IRS4: variants seen among roughly 807,000 people sequenced by gnomAD.
The protein encoded by IRS4 is 160 kDa phosphotyrosine protein.
A neutral mutation model predicts 48.6 loss-of-function variants in IRS4; 15 were observed. The observed-to-expected ratio is 0.31, with a 90% CI of 0.21 to 0.48. IRS4 has a LOEUF of 0.48. Among genes scored for constraint, IRS4 ranks in the 20% least tolerant of loss-of-function variants. The pLI is 0.99. For missense variants in IRS4, 987 were observed against 1,023.4 expected, an observed-to-expected ratio of 0.96 and a Z score of 0.49; for synonymous variants, 459 against 413.2, an observed-to-expected ratio of 1.11 and a Z score of -1.34.
intron 1 of IRS4, among the ~76,000 whole-genome samples, chrX:108,728,007 A>G (rs993481497): frequency 8.0e-5 from 9 of 112,639 alleles, no homozygotes; most frequent in Non-Finnish European, 7.5e-5. Context: ...ACTTTTTGCT[A>G]TAACTCCCAA....
chrX:108,735,694 C>T lies in IRS4; in HGVS notation c.651G>A (p.Pro217=). ...CCGCCGCTGCCGCCGCCAGCGCGGC[C>T]GGCTCTCCGTCCGGCTGCGCGCCGA... ...GTLGAQPDGE[P]AALAAAAAAE... is the part of the protein sequence containing the mutation. The change falls in exon 1 of 2, where the codon CCG becomes CCA. Residue 217 remains proline (P), a synonymous_variant. Transcript: ENST00000372129. 1.7e-6 allele frequency: 2 copies of T among 1,181,404 alleles called. No homozygotes were observed. The highest frequency in any genetic ancestry group is 2.3e-6 in the Non-Finnish European group (2 of 880,428).
Position 108,733,954 on chromosome X carries a change from C to G in IRS4, c.2391G>C (p.Gln797His). ...TCCAACTTTTGGAGGAAGAGCCACCCTGAGGATTTCTGGGGTTTTTTGGAA... is the reference window on the plus strand; with the variant it reads ...TCCAACTTTTGGAGGAAGAGCCACCGTGAGGATTTCTGGGGTTTTTTGGAA... ...GAIPKNPRNPQGGSSSKSWSS... is the reference protein window; with the variant it reads ...GAIPKNPRNPHGGSSSKSWSS... The change falls in exon 1 of 2, where the codon CAG becomes CAC. Residue 797 changes from glutamine to histidine, a missense_variant. Gln to His is a conservative substitution (Grantham distance 24). This residue lies in a region of IRS4 where 720 missense variants were observed against 660.3 expected (regional missense o/e 1.09). Coordinates refer to ENST00000372129, the MANE Select transcript of IRS4 (RefSeq NM_001379150.1). 1.7e-6 allele frequency: 2 copies of G among 1,211,674 alleles called. No homozygotes were observed. The highest frequency in any genetic ancestry group is 2.2e-6 in the Non-Finnish European group (2 of 895,498).
At chrX:108,725,260 AT>A (rs1269090833) in intron 1 of IRS4, among the ~76,000 whole-genome samples, 1 of 110,216 alleles carries the variant, frequency 9.1e-6, no homozygotes, top group African/African-American at 3.3e-5. Context: ...ATAACAATAT[AT>A]TGTTATTCTC....
In IRS4 at chrX:108,734,775, C is replaced by T. The variant is rs2068934862; in HGVS notation, c.1570G>A (p.Gly524Ser). ...CCACCTCGGGATCCCTGTCCCTCGC[C>T]TGAACACTGGTTTCCTCCCGAGCTA... is the stretch of plus-strand genomic sequence containing the variant. ...SHSSGGNQCSGEGQGSRGGQG... is the reference protein window; with the variant it reads ...SHSSGGNQCSSEGQGSRGGQG... The change falls in exon 1 of 2, where the codon GGC becomes AGC. Residue 524 changes from glycine to serine, a missense_variant. Around this residue, in one of 4 missense-constraint regions of IRS4, gnomAD observed 720 missense variants for 660.3 expected, o/e 1.09. Transcript: ENST00000372129. 1.7e-6 allele frequency: 2 copies of T among 1,209,605 alleles called. No individual in the cohort carries two copies. The highest frequency in any genetic ancestry group is 1.8e-5 in the African/African-American group (1 of 56,990).
In IRS4 at chrX:108,722,444, C is replaced by A; in HGVS notation, c.*75G>T. On this transcript the variant is annotated 3_prime_UTR_variant, in exon 2 of 2. Coordinates refer to ENST00000372129, the MANE Select transcript of IRS4 (RefSeq NM_001379150.1). ...GCCTCTGAGTTTTCTTTCCTTTAGG[C>A]AGATCTGGAGTAGACGAAGATAAAA... is the stretch of plus-strand genomic sequence containing the variant. 3.3e-6 allele frequency: 1 copy of A among 301,886 alleles called. No individual in the cohort carries two copies. The allele number at this position is 301,886 out of a possible 1,213,427, so 24.9% of individuals were successfully genotyped here.
Position 108,720,937 on chromosome X carries a change from C to T in IRS4, c.*1582G>A, listed in dbSNP as rs995831476. 2 of 112,349 alleles carry T rather than the reference C, an allele frequency of 1.8e-5. No individual in the cohort carries two copies. Among genetic ancestry groups the T allele is most frequent in the South Asian group, 3.7e-4 (1 of 2,729 alleles). 9.3% of individuals were successfully genotyped at this position (112,349 alleles called of 1,213,427 possible). ...CTTTGGAAAAGTTAGTTTAGCAACA[C>T]GTACTATAAGCTTGCTTGAAGATAG... is the stretch of plus-strand genomic sequence containing the variant. On this transcript the variant is annotated 3_prime_UTR_variant, in exon 2 of 2. Transcript: ENST00000372129.
At position 108,732,625 on chromosome X, in the gene IRS4, T is replaced by G; in HGVS notation, c.3720A>C (p.Arg1240Ser). Residue 1240 changes from arginine to serine, a missense_variant, in exon 1 of 2, where the codon AGA becomes AGC. By Grantham distance (110) the Arg-to-Ser change is moderately radical. This residue lies in a region of IRS4 where 720 missense variants were observed against 660.3 expected (regional missense o/e 1.09). Transcript: ENST00000372129. ...GATTATCACGTCTGGCAAAATCCAT[T>G]CTCACGTGAGTGTCGTCGTCGTTGT... is the stretch of plus-strand genomic sequence containing the variant. ...DSDNDDDTHVRMDFARRDNQF... is the reference protein window; with the variant it reads ...DSDNDDDTHVSMDFARRDNQF... The G allele has an allele frequency of 8.3e-7, 1 of 1,211,649 alleles. No homozygotes were observed. The highest frequency in any genetic ancestry group is 1.1e-6 in the Non-Finnish European group (1 of 895,466).
At chrX:108,725,205 A>G (rs187455331) in intron 1 of IRS4, among the ~76,000 whole-genome samples, 6 of 111,078 alleles carry the variant, frequency 5.4e-5, no homozygotes, top group Admixed American at 9.6e-5. Flanking sequence ...TACATTTTGA[A>G]GTCCGAAACA....
In IRS4 at chrX:108,722,525, T is replaced by C. The variant is rs2148013058; in HGVS notation, c.3767-2A>G. 3.1e-6 allele frequency: 1 copy of C among 326,264 alleles called. No homozygotes were observed. The highest frequency in any genetic ancestry group is 2.7e-5 in the South Asian group (1 of 37,524). 26.9% of individuals were successfully genotyped at this position (326,264 alleles called of 1,213,427 possible). A position where few individuals can be genotyped will look rare whatever the true frequency, so the allele number is the denominator to read the frequency against. ...TGTTTTTGTGGCAATATAATCACTCTAGGAAAAAGATAATAAAACAAAAGT... is the reference window on the plus strand; with the variant it reads ...TGTTTTTGTGGCAATATAATCACTCCAGGAAAAAGATAATAAAACAAAAGT... On this transcript the variant is annotated splice_acceptor_variant, in intron 1 of 1. Transcript: ENST00000372129. LOFTEE classifies it high-confidence loss of function.
Position 108,733,082 on chromosome X carries a change from C to A in IRS4, c.3263G>T (p.Arg1088Leu). The A allele has an allele frequency of 2.5e-6, 3 of 1,211,796 alleles. No homozygotes were observed. The highest frequency in any genetic ancestry group is 3.3e-6 in the Non-Finnish European group (3 of 895,530). The change falls in exon 1 of 2, where the codon CGT becomes CTT. Residue 1088 changes from arginine (R) to leucine (L), a missense_variant. By Grantham distance (102) the Arg-to-Leu change is moderately radical (BLOSUM62 -2). Transcript: ENST00000372129. ...GGCTGCTGCAAAGAAACTTTGAGAACGGCTTTGTGGGCGTCTTCTCTCCTG... is the reference window on the plus strand; with the variant it reads ...GGCTGCTGCAAAGAAACTTTGAGAAAGGCTTTGTGGGCGTCTTCTCTCCTG... ...EEQERRRPQS[R>L]SQSFFAAARA...
intron 1 of IRS4, among the ~76,000 whole-genome samples, chrX:108,729,351 T>A (rs760043042): frequency 9.1e-6 from 1 of 109,709 alleles, no homozygotes; most frequent in South Asian, 4.0e-4. Context: ...GCTGACCGAT[T>A]CTCTCACCCC....
At chrX:108,726,051 C>T (rs1221460222) in intron 1 of IRS4, 1 of 112,416 alleles carries the variant, frequency 8.9e-6, no homozygotes, top group Middle Eastern at 4.2e-3. Flanking sequence ...ACTCTGCTGC[C>T]TAGTTACTGC....
intron 1 of IRS4, chrX:108,724,331 TTAA>T (rs2068865950): frequency 8.9e-6 from 1 of 112,223 alleles, no homozygotes; most frequent in African/African-American, 3.2e-5. Context: ...GTTTGGTAAC[TTAA>T]TAAAAAGTGA....
rs748185194 is a variant in IRS4 at position 108,734,893 on chromosome X, T to A, written c.1452A>T (p.Gly484=). ...AATTGTTCATAGGCATGTAGTCACC[T>A]CCGCTTCCTTCCTGATCTTCTTTGC... ...PQGKEDQEGS[G]GDYMPMNNWG... The change falls in exon 1 of 2, where the codon GGA becomes GGT. Residue 484 remains glycine, a synonymous_variant. Coordinates refer to ENST00000372129, the MANE Select transcript of IRS4 (RefSeq NM_001379150.1). The A allele has an allele frequency of 8.3e-7, 1 of 1,211,905 alleles. No individual in the cohort carries two copies. The highest frequency in any genetic ancestry group is 1.8e-5 in the South Asian group (1 of 57,001).
Position 108,732,759 on chromosome X carries a change from G to A in IRS4, c.3586C>T (p.Leu1196Phe). Residue 1196 changes from leucine (L) to phenylalanine (F), a missense_variant, in exon 1 of 2, where the codon CTT becomes TTT. By Grantham distance (22) the Leu-to-Phe change is conservative. Transcript: ENST00000372129. ...CCAGCCTGGTTATCACCTCTGGCAA[G>A]GTTTGCAGATGGGTTGTGGGCTCCA... is the stretch of plus-strand genomic sequence containing the variant. ...NPGAHNPSAN[L>F]ARGDNQAGGA... 1 of 1,208,386 alleles carries A rather than the reference G, an allele frequency of 8.3e-7. No individual in the cohort carries two copies. The highest frequency in any genetic ancestry group is 1.1e-6 in the Non-Finnish European group (1 of 892,820).
chrX:108,734,751 C>A lies in IRS4; in HGVS notation c.1594G>T (p.Gly532Cys). The change falls in exon 1 of 2, where the codon GGT becomes TGT. Residue 532 changes from glycine (G) to cysteine (C), a missense_variant. Gly to Cys is a radical substitution (Grantham distance 159, BLOSUM62 -3). Coordinates refer to ENST00000372129, the MANE Select transcript of IRS4 (RefSeq NM_001379150.1). ...GAGCCCTGGCCATTTGAGCCCTGAC[C>A]ACCTCGGGATCCCTGTCCCTCGCCT... ...CSGEGQGSRG[G>C]QGSNGQGSGG... 3 of 1,211,230 alleles carry A rather than the reference C, an allele frequency of 2.5e-6. No homozygotes were observed. The highest frequency in any genetic ancestry group is 3.4e-6 in the Non-Finnish European group (3 of 895,433).
Position 108,732,870 on chromosome X carries a change from AGGCGGAGTCAAATCCAGCAGCTGC to A in IRS4, c.3451_3474del (p.Ala1151_Ala1158del), listed in dbSNP as rs1230616741. The A allele has an allele frequency of 2.6e-6, 3 of 1,168,391 alleles. No homozygotes were observed. In the Admixed American group the frequency reaches 7.5e-5, roughly 29 times the overall value. On this transcript the variant is annotated inframe_deletion, in exon 1 of 2. Coordinates refer to ENST00000372129, the MANE Select transcript of IRS4 (RefSeq NM_001379150.1). Reference sequence around the variant, plus strand: ...GCAACAGGTTGAAACCAGCGGGCAGAGGCGGAGTCAAATCCAGCAGCTGCGGCTGCTGCGCCGATGCCCGGGGCT... The same window carrying A: ...GCAACAGGTTGAAACCAGCGGGCAGAGGCTGCTGCGCCGATGCCCGGGGCT...
In IRS4 at chrX:108,733,423, G is replaced by C. The variant is rs2068920101; in HGVS notation, c.2922C>G (p.Asp974Glu). Residue 974 changes from aspartate to glutamate, a missense_variant, in exon 1 of 2, where the codon GAC becomes GAG. Around this residue, in one of 4 missense-constraint regions of IRS4, gnomAD observed 720 missense variants for 660.3 expected, o/e 1.09. Coordinates refer to ENST00000372129, the MANE Select transcript of IRS4 (RefSeq NM_001379150.1). ...GTATAGCTCTTAAAAGATCTGAGAG[G>C]TCGTTTGCTGGATTTGGAAATGGCA... ...FGVPFPNPAN[D>E]LSDLLRAIPR... The C allele has an allele frequency of 8.3e-7, 1 of 1,209,587 alleles. No individual in the cohort carries two copies. The highest frequency in any genetic ancestry group is 2.2e-5 in the Admixed American group (1 of 45,791).
At chrX:108,731,991 T>C (rs1213574417) in intron 1 of IRS4, among the ~76,000 whole-genome samples, 4 of 112,413 alleles carry the variant, frequency 3.6e-5, no homozygotes, top group Admixed American at 1.9e-4. Context: ...ATTATTTATG[T>C]TTTGTTCCCC....
Sources: gnomAD v4.1 joint callset for allele counts (sites outside exome capture counted in the v4.1 genomes callset) on GRCh38, gnomAD v4.1.1 for gene constraint, gnomAD v4.1.1 regional missense constraint, MANE v1.5 for transcripts, NCBI Gene and HGNC (gene_info 2026-07-23, HGNC 2026-07-21) for gene names.